IFT52: variants seen among roughly 807,000 people sequenced by gnomAD.
The protein encoded by IFT52 is intraflagellar transport 52.
In IFT52, 44 loss-of-function variants were observed where a neutral mutation model predicts 54.4. That is an observed-to-expected ratio of 0.81 (90% CI 0.63 to 1.04). IFT52 has a LOEUF of 1.04. Among genes scored for constraint, IFT52 ranks in the 50% least tolerant of loss-of-function variants. IFT52 has a pLI of 0.00. For missense variants in IFT52, 452 were observed against 523.6 expected (o/e 0.86, Z 1.33); for synonymous variants, 181 against 185.3 (o/e 0.98, Z 0.19).
At chr20:43,607,491 G>A (rs563324155) in intron 6 of IFT52, among the ~76,000 whole-genome samples, 174 of 151,210 alleles carry the variant, frequency 1.2e-3, no homozygotes, top group African/African-American at 4.0e-3. Flanking sequence ...CCTCCCAGAC[G>A]GGGTCGTGGC....
rs368422549 is a variant in IFT52, at chr20:43,600,457, A to G, written c.208-3303A>G. Among the ~76,000 whole-genome samples, 3 of 152,148 alleles carry G rather than the reference A, an allele frequency of 2.0e-5. No individual in the cohort carries two copies. The East Asian group carries it at 5.8e-4, about 29-fold the overall frequency. On this transcript the variant is annotated intron_variant, in intron 3 of 13. Transcript: ENST00000373030. ...GTAGGTGGTACTACAGGTGCCCACC[A>G]CCACGCCCGGCTAATTTTTTGTATT...
At chr20:43,640,390 G>A (rs964552909) in intron 12 of IFT52, among the ~76,000 whole-genome samples, 7 of 152,230 alleles carry the variant, frequency 4.6e-5, no homozygotes, top group African/African-American at 1.2e-4. Context: ...AATTCGGGAG[G>A]TGGAGGTTGC....
intron 10 of IFT52, among the ~76,000 whole-genome samples, chr20:43,629,366 G>A (rs920834731): frequency 2.1e-5 from 3 of 142,654 alleles, no homozygotes; most frequent in East Asian, 2.1e-4. Context: ...TCCGCCTCCC[G>A]GGTTCACGCC....
intron 6 of IFT52, among the ~76,000 whole-genome samples, chr20:43,608,085 G>A (rs1306582526): frequency 3.3e-5 from 5 of 152,170 alleles, no homozygotes; most frequent in Non-Finnish European, 5.9e-5. Context: ...GCAGTGAGCC[G>A]AGATGGCAGC....
intron 10 of IFT52, among the ~76,000 whole-genome samples, chr20:43,632,964 T>C (rs1426211086): frequency 1.3e-5 from 2 of 152,232 alleles, no homozygotes; most frequent in African/African-American, 4.8e-5. Context: ...AGAAGATTCC[T>C]GAAAGGATCA....
intron 10 of IFT52, among the ~76,000 whole-genome samples, chr20:43,634,628 A>T (rs1343096765): frequency 1.3e-5 from 2 of 151,936 alleles, no homozygotes; most frequent in Non-Finnish European, 1.5e-5. Context: ...CATTGATATT[A>T]TTTTATGAGG....
At chr20:43,607,973 C>T (rs1056681389) in intron 6 of IFT52, among the ~76,000 whole-genome samples, 30 of 152,166 alleles carry the variant, frequency 2.0e-4, no homozygotes, top group Admixed American at 1.9e-3. Flanking sequence ...AGCGAAACCC[C>T]GTCTCCACCA....
At chr20:43,605,882 A>G (rs759682591) in intron 6 of IFT52, among the ~76,000 whole-genome samples, 8 of 152,176 alleles carry the variant, frequency 5.3e-5, no homozygotes, top group African/African-American at 9.7e-5. Context: ...TAGGCAGTCT[A>G]TTCTAGAGCC....
chr20:43,632,947 A>G (rs1380314717), intron 10 of IFT52, among the ~76,000 whole-genome samples: 1 of 152,262 alleles, frequency 6.6e-6, no homozygotes, highest in Non-Finnish European at 1.5e-5. Context: ...AATGTATGAT[A>G]CGGTAGAGAA....
chr20:43,601,767 T>C (rs1982461885), intron 3 of IFT52, among the ~76,000 whole-genome samples: 1 of 152,204 alleles, frequency 6.6e-6, no homozygotes, highest in African/African-American at 2.4e-5. Flanking sequence ...TTTAGGGCTG[T>C]CTGGGAAGAG....
intron 10 of IFT52, 111 bp from the exon 11 acceptor site, chr20:43,635,814 TA>T: frequency 1.1e-6 from 1 of 892,858 alleles, no homozygotes; most frequent in Non-Finnish European, 1.8e-6. Context: ...GTGGTATTTC[TA>T]AAAATAGTAC....
intron 5 of IFT52, 81 bp downstream of exon 5, chr20:43,604,339 T>C (rs1366109986): frequency 8.1e-6 from 8 of 988,268 alleles, no homozygotes; most frequent in Non-Finnish European, 1.3e-5. Flanking sequence ...GAAGCCAAGG[T>C]GGATGGATCA....
At chr20:43,620,817 A>C in intron 8 of IFT52, 40 bp from the exon 9 acceptor site, 1 of 1,444,538 alleles carries the variant, frequency 6.9e-7, no homozygotes, top group Non-Finnish European at 9.6e-7. Context: ...TTTTTCAAAT[A>C]ACCAACTGTC....
chr20:43,636,492 C>A (rs1985548939), intron 11 of IFT52, among the ~76,000 whole-genome samples: 1 of 152,158 alleles, frequency 6.6e-6, no homozygotes, highest in Non-Finnish European at 1.5e-5. Context: ...AGCCAGTTAG[C>A]TTGATCTTGC....
At chr20:43,623,790 G>A in intron 9 of IFT52, 101 bp from the exon 10 acceptor site, 1 of 1,311,366 alleles carries the variant, frequency 7.6e-7, no homozygotes, top group South Asian at 1.4e-5. Context: ...TTCTTGGCAA[G>A]AGAATATAAA....
chr20:43,596,523 G>A lies in IFT52; in HGVS notation c.207+1G>A. On this transcript the variant is annotated splice_donor_variant, in intron 3 of 13. Coordinates refer to ENST00000373030, the MANE Select transcript of IFT52 (RefSeq NM_016004.5). LOFTEE classifies it high-confidence loss of function. ...AAGGGAAAAATTTACTGCAGCTGAGGTAAGAAATATCCACTAAAGAAGGAA... is the reference window on the plus strand; with the variant it reads ...AAGGGAAAAATTTACTGCAGCTGAGATAAGAAATATCCACTAAAGAAGGAA... 1 of 1,576,520 alleles carries A rather than the reference G, an allele frequency of 6.3e-7. No homozygotes were observed. Among genetic ancestry groups the A allele is most frequent in the Non-Finnish European group, 8.7e-7 (1 of 1,146,968 alleles).
At chr20:43,597,088 T>C (rs1982031551) in intron 3 of IFT52, among the ~76,000 whole-genome samples, 2 of 147,294 alleles carry the variant, frequency 1.4e-5, no homozygotes. Context: ...ATAGGAAAAT[T>C]CCGCCAGGCG....
chr20:43,594,924 G>A (rs960992200), intron 2 of IFT52, 107 bp downstream of exon 2: 1 of 713,592 alleles, frequency 1.4e-6, no homozygotes, highest in Admixed American at 2.2e-5. Context: ...GGTGGGAGAA[G>A]CTCAATTTAA....
At chr20:43,624,771 A>G (rs1180715568) in intron 10 of IFT52, among the ~76,000 whole-genome samples, 1 of 152,178 alleles carries the variant, frequency 6.6e-6, no homozygotes, top group African/African-American at 2.4e-5. Flanking sequence ...AGAAAGGGCC[A>G]GGGCTCATCT....
Sources: allele counts gnomAD v4.1 joint callset (sites outside exome capture counted in the v4.1 genomes callset), GRCh38; gene constraint gnomAD v4.1.1; transcripts MANE v1.5; gene names NCBI Gene and HGNC (gene_info 2026-07-23, HGNC 2026-07-21).